NBN: variants seen among roughly 807,000 people sequenced by gnomAD.
NBN encodes nibrin.
In NBN, 88 loss-of-function variants were observed where a neutral mutation model predicts 90.8. That is an observed-to-expected ratio of 0.97 (90% CI 0.82 to 1.16). The LOEUF (loss-of-function observed/expected upper bound fraction) is 1.16. NBN is among the 50% of genes most tolerant of loss of function. The probability of loss-of-function intolerance (pLI) is 0.00; values close to 1 mark genes in which losing one functional copy is unlikely to be tolerated. For synonymous variants in NBN, 328 were observed against 295.1 expected (o/e 1.11, Z -1.14); for missense variants, 894 against 869.6 (o/e 1.03, Z -0.35).
At chr8:89,962,745 A>G (rs1284506243) in intron 8 of NBN, among the ~76,000 whole-genome samples, 1 of 151,642 alleles carries the variant, frequency 6.6e-6, no homozygotes, top group African/African-American at 2.4e-5. Flanking sequence ...TATGTAGTAT[A>G]CTCAATGGGA....
At chr8:89,954,359 T>TA (rs1430916063) in intron 10 of NBN, among the ~76,000 whole-genome samples, 5 of 152,080 alleles carry the variant, frequency 3.3e-5, no homozygotes, top group Non-Finnish European at 7.4e-5. Flanking sequence ...AATGCCAAGG[T>TA]ACTGGACAAA....
chr8:89,946,555 A>C (rs755910330), intron 12 of NBN: 30 of 405,020 alleles, frequency 7.4e-5, no homozygotes, highest in Non-Finnish European at 1.3e-4. Context: ...ACTGTGAAGC[A>C]TTTTTAACCT....
chr8:89,984,259 G>A (rs1035378166), intron 1 of NBN: 4 of 572,376 alleles, frequency 7.0e-6, no homozygotes, highest in Non-Finnish European at 1.3e-5. Flanking sequence ...GAGGCTGGGA[G>A]GGAGGGGGAG....
intron 7 of NBN, among the ~76,000 whole-genome samples, chr8:89,966,013 A>T (rs1353255970): frequency 1.3e-5 from 2 of 152,250 alleles, no homozygotes; most frequent in Non-Finnish European, 2.9e-5. Flanking sequence ...TTGCAACTAT[A>T]ACTTATACTA....
chr8:89,970,934 G>C (rs911962579), intron 6 of NBN, among the ~76,000 whole-genome samples: 6 of 152,156 alleles, frequency 3.9e-5, no homozygotes, highest in Admixed American at 2.6e-4. Context: ...TTAAAACTAA[G>C]TTTCCTGTCC....
rs183505441 is a variant in NBN, at chr8:89,972,361, G to T, written c.585-1071C>A. Reference sequence around the variant, plus strand: ...TGCTGTAAGTCTGTTTTAAAGCAATGATTTCTGGAAGCTGCAATCTCAAAT... The same window carrying T: ...TGCTGTAAGTCTGTTTTAAAGCAATTATTTCTGGAAGCTGCAATCTCAAAT... On this transcript the variant is annotated intron_variant, in intron 5 of 15. Coordinates refer to ENST00000265433, the MANE Select transcript of NBN (RefSeq NM_002485.5). Among the ~76,000 whole-genome samples the T allele has an allele frequency of 3.7e-4, 56 of 152,328 alleles. No homozygotes were observed. In the East Asian group the frequency reaches 8.5e-3, roughly 23 times the overall value.
rs1286743873 is a variant in NBN, at chr8:89,953,419, G to A, written c.1670C>T (p.Ala557Val). 1.2e-6 allele frequency: 2 copies of A among 1,613,566 alleles called. No individual in the cohort carries two copies. Among genetic ancestry groups the A allele is most frequent in the Non-Finnish European group, 1.7e-6 (2 of 1,179,794 alleles). ...CTGTTCCAATACTTCATCTTCTATG[G>A]CCACATCATCCATTTCCCTTTTTTT... ...SNKKREMDDV[A>V]IEDEVLEQLF... The change falls in exon 11 of 16, where the codon GCC becomes GTC. Residue 557 changes from alanine (A) to valine (V), a missense_variant. Transcript: ENST00000265433.
chr8:89,970,535 AC>A lies in NBN; in HGVS notation c.724del (p.Val242LeufsTer10), dbSNP rs1257102740. On this transcript the variant is annotated frameshift_variant, in exon 7 of 16. Transcript: ENST00000265433. LOFTEE classifies it high-confidence loss of function. ...AKQHKKLSSA[V>X]VFGGGEARLI... ...CCTAGCTTCCCCACCTCCAAAGACA[AC>A]TGCGGAACTCAATTTCTTATGCTAA... is the stretch of plus-strand genomic sequence containing the variant. 6.2e-7 allele frequency: 1 copy of A among 1,613,752 alleles called. No homozygotes were observed. Among genetic ancestry groups the A allele is most frequent in the African/African-American group, 1.3e-5 (1 of 75,018 alleles).
intron 8 of NBN, 87 bp from the exon 9 acceptor site, chr8:89,958,941 A>G (rs1164423895): frequency 5.3e-6 from 8 of 1,519,922 alleles, no homozygotes; most frequent in Admixed American, 1.7e-5. Context: ...AGACTATACC[A>G]TGCTGAGGGG....
intron 6 of NBN, 83 bp downstream of exon 6, chr8:89,971,090 G>T: frequency 2.8e-6 from 4 of 1,433,658 alleles, no homozygotes; most frequent in Non-Finnish European, 3.8e-6. Context: ...AATGAAATAC[G>T]TTAACAACTA....
chr8:89,952,126 T>C (rs1487438911), intron 11 of NBN, among the ~76,000 whole-genome samples: 1 of 152,152 alleles, frequency 6.6e-6, no homozygotes, highest in Non-Finnish European at 1.5e-5. Flanking sequence ...AGTAAATTAA[T>C]ACCATGGGAA....
chr8:89,973,117 G>C (rs901309230), intron 5 of NBN, among the ~76,000 whole-genome samples: 3 of 152,164 alleles, frequency 2.0e-5, no homozygotes, highest in African/African-American at 4.8e-5. Context: ...TTCTTTAACA[G>C]CTGGCTTCTC....
intron 14 of NBN, among the ~76,000 whole-genome samples, chr8:89,940,054 T>C (rs1809867676): frequency 6.6e-6 from 1 of 152,124 alleles, no homozygotes; most frequent in African/African-American, 2.4e-5. Flanking sequence ...CAGTGAGGCA[T>C]GAGGGAATTC....
intron 8 of NBN, among the ~76,000 whole-genome samples, chr8:89,960,625 T>G (rs1180144544): frequency 6.6e-6 from 1 of 152,166 alleles, no homozygotes; most frequent in Non-Finnish European, 1.5e-5. Flanking sequence ...TACTCCAGCC[T>G]GGGTGACAGA....
chr8:89,975,650 A>G (rs1333586731), intron 5 of NBN, among the ~76,000 whole-genome samples: 2 of 152,242 alleles, frequency 1.3e-5, no homozygotes, highest in African/African-American at 2.4e-5. Context: ...CGTCATGTAC[A>G]TTGATACAAT....
intron 4 of NBN, among the ~76,000 whole-genome samples, 176 bp downstream of exon 4, chr8:89,980,558 T>A (rs1586106147): frequency 1.3e-5 from 2 of 151,912 alleles, no homozygotes; most frequent in African/African-American, 4.8e-5. Context: ...AATAAACAGG[T>A]TATATGAAAA....
At chr8:89,983,523 T>A (rs1052616083) in intron 1 of NBN, among the ~76,000 whole-genome samples, 1 of 152,020 alleles carries the variant, frequency 6.6e-6, no homozygotes, top group African/African-American at 2.4e-5. Flanking sequence ...AAAAGTATGG[T>A]ACTGGACCAT....
Position 89,958,814 on chromosome 8 carries a change from G to A in NBN, c.1035C>T (p.Gly345=), listed in dbSNP as rs146605798. Residue 345 remains glycine, a synonymous_variant, in exon 9 of 16, where the codon GGC becomes GGT. Transcript: ENST00000265433. ...TTTPGPSLSQ[G]VSVDEKLMPS... Reference sequence around the variant, plus strand: ...GCATTAGTTTTTCATCAACTGACACGCCTTGTGAAAGGCTTGGTCCTGGAG... The same window carrying A: ...GCATTAGTTTTTCATCAACTGACACACCTTGTGAAAGGCTTGGTCCTGGAG... 220 of 1,613,764 alleles carry A rather than the reference G, an allele frequency of 1.4e-4. 1 individual carries two copies. In the East Asian group the frequency reaches 4.1e-3, roughly 30 times the overall value.
chr8:89,968,246 T>A (rs1811343568), intron 7 of NBN, among the ~76,000 whole-genome samples: 1 of 151,940 alleles, frequency 6.6e-6, no homozygotes, highest in African/African-American at 2.4e-5. Flanking sequence ...AGTGAAACCA[T>A]GTCTCAACAT....
Sources: gnomAD v4.1 joint callset for allele counts (sites outside exome capture counted in the v4.1 genomes callset) on GRCh38, gnomAD v4.1.1 for gene constraint, MANE v1.5 for transcripts, NCBI Gene and HGNC (gene_info 2026-07-23, HGNC 2026-07-21) for gene names.